Variants in TNR observed in about 807,000 individuals in gnomAD.
TNR encodes the protein tenascin R.
Under a neutral mutation model 150.4 loss-of-function variants are expected in TNR, and 45 were observed. The ratio of observed to expected loss-of-function variants is 0.30; its 90% CI spans 0.24 to 0.38. The LOEUF is 0.38. TNR is among the 10% of genes least tolerant of loss of function. The probability of loss-of-function intolerance (pLI) is 1.00; values close to 1 mark genes in which losing one functional copy is unlikely to be tolerated. For synonymous variants in TNR, 687 were observed against 678.4 expected (o/e 1.01, Z -0.20); for missense variants, 1,544 against 1,759.1 (o/e 0.88, Z 2.19).
intron 2 of TNR, among the ~76,000 whole-genome samples, chr1:175,447,851 A>T: frequency 6.6e-6 from 1 of 152,220 alleles, no homozygotes; most frequent in East Asian, 1.9e-4. Context: ...CAACACATGT[A>T]ATGTGGGACC....
chr1:175,373,282 G>A (rs557710726), intron 9 of TNR, among the ~76,000 whole-genome samples: 2 of 152,304 alleles, frequency 1.3e-5, no homozygotes, highest in East Asian at 3.9e-4. Context: ...GTCCCTCATA[G>A]AGAAATTTCC....
At chr1:175,604,358 C>A (rs181490481) in intron 1 of TNR, among the ~76,000 whole-genome samples, 2 of 152,258 alleles carry the variant, frequency 1.3e-5, no homozygotes, top group East Asian at 3.9e-4. Flanking sequence ...ACTGACCAGC[C>A]CCATGAAGTA....
intron 2 of TNR, among the ~76,000 whole-genome samples, chr1:175,515,549 G>A (rs931454078): frequency 2.6e-5 from 4 of 152,218 alleles, no homozygotes; most frequent in Non-Finnish European, 5.9e-5. Context: ...GAACATTCTG[G>A]ACTTGGGTGT....
intron 2 of TNR, among the ~76,000 whole-genome samples, chr1:175,468,598 A>G (rs1184625482): frequency 6.6e-6 from 1 of 152,204 alleles, no homozygotes; most frequent in Non-Finnish European, 1.5e-5. Context: ...ATGGGGAAGA[A>G]TCCGATAAAA....
chr1:175,462,342 C>G (rs925446966), intron 2 of TNR, among the ~76,000 whole-genome samples: 1 of 152,192 alleles, frequency 6.6e-6, no homozygotes, highest in Non-Finnish European at 1.5e-5. Flanking sequence ...ATGAGGCTGA[C>G]ATGAGTCAAA....
intron 1 of TNR, among the ~76,000 whole-genome samples, chr1:175,732,206 A>G (rs866216200): frequency 4.6e-5 from 7 of 152,226 alleles, no homozygotes; most frequent in African/African-American, 1.4e-4. Context: ...ATTCCTGCCC[A>G]GCTGGACCAT....
intron 15 of TNR, among the ~76,000 whole-genome samples, chr1:175,357,697 AC>A (rs1356583719): frequency 6.6e-6 from 1 of 151,772 alleles, no homozygotes; most frequent in Non-Finnish European, 1.5e-5. Context: ...TTCCCTCCAC[AC>A]CTTGACCCTA....
intron 1 of TNR, among the ~76,000 whole-genome samples, chr1:175,702,219 G>A (rs975560961): frequency 2.0e-5 from 3 of 152,148 alleles, no homozygotes; most frequent in African/African-American, 7.2e-5. Context: ...CAATTTAGGA[G>A]CCTGCACTTG....
intron 1 of TNR, among the ~76,000 whole-genome samples, chr1:175,675,766 G>C (rs1173122940): frequency 6.6e-6 from 1 of 152,282 alleles, no homozygotes; most frequent in Middle Eastern, 3.4e-3. Flanking sequence ...TTTCTGGGTG[G>C]GATGGGGCAT....
At chr1:175,426,899 A>T (rs1051045207) in intron 2 of TNR, among the ~76,000 whole-genome samples, 3 of 81,388 alleles carry the variant, frequency 3.7e-5, no homozygotes, top group African/African-American at 1.6e-4. Flanking sequence ...AATATATATA[A>T]AATATATTAT....
At chr1:175,576,884 A>T (rs1662136166) in intron 1 of TNR, among the ~76,000 whole-genome samples, 1 of 152,150 alleles carries the variant, frequency 6.6e-6, no homozygotes, top group African/African-American at 2.4e-5. Context: ...TTTAGTGCTC[A>T]TTATTTCTCT....
chr1:175,700,102 G>T (rs944937130), intron 1 of TNR, among the ~76,000 whole-genome samples: 1 of 151,328 alleles, frequency 6.6e-6, no homozygotes, highest in South Asian at 2.1e-4. Context: ...GAGGGAGCAC[G>T]TTGGATGGAA....
At chr1:175,400,272 T>G (rs1653643985) in intron 4 of TNR, among the ~76,000 whole-genome samples, 1 of 152,230 alleles carries the variant, frequency 6.6e-6, no homozygotes, top group South Asian at 2.1e-4. Flanking sequence ...TATTCTACTT[T>G]GCATTCCAGA....
intron 1 of TNR, among the ~76,000 whole-genome samples, chr1:175,716,948 G>A: frequency 6.6e-6 from 1 of 152,120 alleles, no homozygotes; most frequent in Non-Finnish European, 1.5e-5. Flanking sequence ...CTTCCAAGCT[G>A]AGCCCAATTT....
intron 20 of TNR, among the ~76,000 whole-genome samples, chr1:175,331,484 C>T (rs7415097): frequency 0.48 from 72,365 of 151,856 alleles, 19,526 homozygotes; most frequent in East Asian, 0.77. Context: ...AGGATGGTCT[C>T]GATCTCCTGA....
chr1:175,632,628 GT>G (rs1167675935), intron 1 of TNR, among the ~76,000 whole-genome samples: 1 of 152,144 alleles, frequency 6.6e-6, no homozygotes, highest in Non-Finnish European at 1.5e-5. Flanking sequence ...AAGTTTTGGT[GT>G]TAAAAACAAA....
At chr1:175,583,370 G>A (rs1662439520) in intron 1 of TNR, among the ~76,000 whole-genome samples, 1 of 152,196 alleles carries the variant, frequency 6.6e-6, no homozygotes, top group South Asian at 2.1e-4. Flanking sequence ...GGAGCCTGTT[G>A]AGCTGACCCA....
chr1:175,576,567 T>C (rs1180834177), intron 1 of TNR, among the ~76,000 whole-genome samples: 2 of 152,164 alleles, frequency 1.3e-5, no homozygotes, highest in African/African-American at 4.8e-5. Flanking sequence ...CCTAGGAATT[T>C]ATCCTTAGTG....
intron 18 of TNR, among the ~76,000 whole-genome samples, chr1:175,348,237 C>T (rs577628352): frequency 6.6e-6 from 1 of 152,192 alleles, no homozygotes; most frequent in East Asian, 1.9e-4. Context: ...AAACTTACAA[C>T]TCTATTAAAA....
Sources: allele counts gnomAD v4.1 joint callset (sites outside exome capture counted in the v4.1 genomes callset), GRCh38; gene constraint gnomAD v4.1.1; transcripts MANE v1.5; gene names NCBI Gene and HGNC (gene_info 2026-07-23, HGNC 2026-07-21).